Variants in RGR observed in about 807,000 individuals in gnomAD.
The protein encoded by RGR is retinal G protein coupled receptor, also known as RPE-retinal G protein-coupled receptor.
RGR carries 30 observed loss-of-function variants against 28.6 expected under a neutral mutation model. The observed-to-expected ratio is 1.05, with a 90% CI of 0.78 to 1.42. RGR has a LOEUF of 1.42. RGR is among the 40% of genes most tolerant of loss of function. RGR has a pLI of 0.00. For missense variants in RGR, 404 were observed against 375.6 expected, an observed-to-expected ratio of 1.08 and a Z score of -0.62; for synonymous variants, 180 against 156.4, an observed-to-expected ratio of 1.15 and a Z score of -1.13.
intron 2 of RGR, 158 bp from the exon 3 acceptor site, chr10:84,248,764 C>T: frequency 7.4e-7 from 1 of 1,354,932 alleles, no homozygotes; most frequent in Middle Eastern, 2.2e-4. Flanking sequence ...AGCCCAGTTA[C>T]TTGAGCTCCA....
rs565313597 is a variant in RGR, at chr10:84,256,153, C to G, written c.630+1710C>G. On this transcript the variant is annotated intron_variant, in intron 5 of 6. Coordinates refer to ENST00000652092, the MANE Select transcript of RGR (RefSeq NM_001012720.2). ...TGGCAATCTCGGCTCACTGCAACCT[C>G]CGCCTCTCGGGTTCAAGCGATTCTC... is the stretch of plus-strand genomic sequence containing the variant. Among the ~76,000 whole-genome samples, 4 of 143,970 alleles carry G rather than the reference C, an allele frequency of 2.8e-5. No homozygotes were observed. The Admixed American group carries it at 2.9e-4, about 10-fold the overall frequency. The allele number at this position is 143,970 out of a possible 152,430, so 94.4% of individuals were successfully genotyped here. A position where few individuals can be genotyped will look rare whatever the true frequency, so the allele number is the denominator to read the frequency against.
Position 84,258,503 on chromosome 10 carries a change from A to G in RGR, c.745-5A>G. 6.2e-7 allele frequency: 1 copy of G among 1,614,216 alleles called. No homozygotes were observed. Among genetic ancestry groups the G allele is most frequent in the Non-Finnish European group, 8.5e-7 (1 of 1,180,030 alleles). On this transcript the variant is annotated splice_polypyrimidine_tract_variant and splice_region_variant and intron_variant, in intron 6 of 6. Transcript: ENST00000652092. ...CTTCTTTTCTGGACTTTTCTGCCAC[A>G]ACAGGTGCCCGCCCTCATTGCCAAA...
Position 84,252,740 on chromosome 10 carries a change from A to G in RGR, c.359-117A>G, listed in dbSNP as rs1048929261. 6.7e-5 allele frequency: 88 copies of G among 1,317,434 alleles called. 1 individual carries two copies. The South Asian group carries it at 1.0e-3, about 15-fold the overall frequency. The allele number at this position is 1,317,434 out of a possible 1,614,324, so 81.6% of individuals were successfully genotyped here. On this transcript the variant is annotated intron_variant, in intron 3 of 6. Coordinates refer to ENST00000652092, the MANE Select transcript of RGR (RefSeq NM_001012720.2). ...TCCTGTAATCCCAGCACTTTGGGAGACTGAGGCTGGTGGATCACTTGAAGG... is the reference window on the plus strand; with the variant it reads ...TCCTGTAATCCCAGCACTTTGGGAGGCTGAGGCTGGTGGATCACTTGAAGG...
In RGR at chr10:84,259,020, A is replaced by T; in HGVS notation, c.*381A>T. 1 of 281,358 alleles carries T rather than the reference A, an allele frequency of 3.6e-6. No homozygotes were observed. Among genetic ancestry groups the T allele is most frequent in the East Asian group, 8.7e-5 (1 of 11,488 alleles). 17.4% of individuals were successfully genotyped at this position (281,358 alleles called of 1,614,324 possible). A position where few individuals can be genotyped will look rare whatever the true frequency, so the allele number is the denominator to read the frequency against. On this transcript the variant is annotated 3_prime_UTR_variant, in exon 7 of 7. Transcript: ENST00000652092. Reference sequence around the variant, plus strand: ...CCCATTAAGTTATTTCTCATCCCTCACCCCCTCCCACCTTGTCACCCTTCT... The same window carrying T: ...CCCATTAAGTTATTTCTCATCCCTCTCCCCCTCCCACCTTGTCACCCTTCT...
intron 1 of RGR, among the ~76,000 whole-genome samples, chr10:84,246,045 C>T (rs114627724): frequency 0.017 from 2,549 of 152,318 alleles, 79 homozygotes; most frequent in African/African-American, 0.059. Flanking sequence ...TGTCTGGTGG[C>T]CCCAGCCCGT....
intron 3 of RGR, among the ~76,000 whole-genome samples, chr10:84,249,772 A>G (rs1233469793): frequency 2.0e-5 from 3 of 152,204 alleles, no homozygotes; most frequent in Admixed American, 6.5e-5. Flanking sequence ...CCACACTTCC[A>G]TGAGGCTTCA....
chr10:84,254,359 C>T lies in RGR; in HGVS notation c.546C>T (p.Phe182=), dbSNP rs1448411233. The part of the protein sequence containing the change: ...NFTSFLFTMS[F]FNFAMPLFIT... ...CCAGCTTCCTCTTCACCATGTCCTT[C>T]TTCAACTTCGCCATGCCCCTCTTCA... Residue 182 remains phenylalanine (F), a synonymous_variant, in exon 5 of 7, where the codon TTC becomes TTT. Coordinates refer to ENST00000652092, the MANE Select transcript of RGR (RefSeq NM_001012720.2). 3.7e-6 allele frequency: 6 copies of T among 1,614,190 alleles called. No homozygotes were observed. The highest frequency in any genetic ancestry group is 3.3e-5 in the South Asian group (3 of 91,084).
intron 2 of RGR, chr10:84,248,504 G>A (rs957855707): frequency 2.1e-4 from 66 of 310,018 alleles, no homozygotes; most frequent in Admixed American, 2.2e-4. Flanking sequence ...GAGAATTGAA[G>A]TTTCCACCTT....
intron 4 of RGR, among the ~76,000 whole-genome samples, chr10:84,253,818 G>C (rs924607337): frequency 4.6e-5 from 7 of 152,168 alleles, no homozygotes; most frequent in Non-Finnish European, 1.0e-4. Flanking sequence ...AGGTGACATA[G>C]TCTTCCCTTC....
Position 84,256,059 on chromosome 10 carries a change from C to CTTTTTT in RGR, c.630+1640_630+1645dup, listed in dbSNP as rs61441525. ...TCTTTGTTTCTTTTTTTTTTCCTTT[C>CTTTTTT]TTTTTTTTTTTTTTTTTTTTTTTTT... On this transcript the variant is annotated intron_variant, in intron 5 of 6. Coordinates refer to ENST00000652092, the MANE Select transcript of RGR (RefSeq NM_001012720.2). Among the ~76,000 whole-genome samples, 180 of 54,358 alleles carry CTTTTTT rather than the reference C, an allele frequency of 3.3e-3. 3 individuals carry two copies. Among genetic ancestry groups the CTTTTTT allele is most frequent in the African/African-American group, 4.3e-3 (50 of 11,552 alleles). The allele number at this position is 54,358 out of a possible 152,430, so 35.7% of individuals were successfully genotyped here.
intron 3 of RGR, among the ~76,000 whole-genome samples, chr10:84,249,623 A>T (rs1177812569): frequency 6.6e-6 from 1 of 152,192 alleles, no homozygotes; most frequent in African/African-American, 2.4e-5. Context: ...GATGATTTTA[A>T]TAACCAATCT....
Position 84,258,539 on chromosome 10 carries a change from C to T in RGR, c.776C>T (p.Thr259Met), listed in dbSNP as rs772033525. The change falls in exon 7 of 7, where the codon ACG becomes ATG. Residue 259 changes from threonine to methionine, a missense_variant. Physicochemically the swap from Thr to Met is moderately conservative, Grantham distance 81. Transcript: ENST00000652092. ...GCCCTCATTGCCAAAATGGTGCCCA[C>T]GATCAATGCCATCAACTATGCCCTG... ...VPALIAKMVP[T>M]INAINYALGN... 75 of 1,614,088 alleles carry T rather than the reference C, an allele frequency of 4.6e-5. No individual in the cohort carries two copies. The highest frequency in any genetic ancestry group is 5.8e-5 in the Non-Finnish European group (68 of 1,180,050).
rs149839596 is a variant in RGR at position 84,248,934 on chromosome 10, C to T, written c.249C>T (p.Tyr83=). The change falls in exon 3 of 7, where the codon TAC becomes TAT. Residue 83 remains tyrosine, a synonymous_variant. Transcript: ENST00000652092. ...ATSSLLRRWP[Y]GSDGCQAHGF... ...GTGTCTCCCACAGGCGCTGGCCCTA[C>T]GGCTCGGACGGCTGCCAGGCTCACG... 243 of 1,614,126 alleles carry T rather than the reference C, an allele frequency of 1.5e-4. No individual in the cohort carries two copies. In the African/African-American group the frequency reaches 2.6e-3, roughly 17 times the overall value.
Position 84,252,997 on chromosome 10 carries a change from T to C in RGR, c.499T>C (p.Ser167Pro). 2 of 1,613,570 alleles carry C rather than the reference T, an allele frequency of 1.2e-6. No homozygotes were observed. The highest frequency in any genetic ancestry group is 1.7e-6 in the Non-Finnish European group (2 of 1,180,018). The change falls in exon 4 of 7, where the codon TCC (serine) becomes CCC (proline). Residue 167 changes from serine (S) to proline (P), a missense_variant. Physicochemically the swap from Ser to Pro is moderately conservative, Grantham distance 74. Coordinates refer to ENST00000652092, the MANE Select transcript of RGR (RefSeq NM_001012720.2). The part of the protein sequence containing the change: ...PLGTCCTLDY[S>P]KGDRNFTSFL... Reference sequence around the variant, plus strand: ...GGGGACATGCTGCACCCTGGACTACTCCAAGGGGGACAGGTGAGGTGGGAG... The same window carrying C: ...GGGGACATGCTGCACCCTGGACTACCCCAAGGGGGACAGGTGAGGTGGGAG...
At chr10:84,253,345 C>T (rs79150793) in intron 4 of RGR, among the ~76,000 whole-genome samples, 5,284 of 152,324 alleles carry the variant, frequency 0.035, 133 homozygotes, top group Middle Eastern at 0.11. Flanking sequence ...AGTCGACCAT[C>T]ATGGCTCTGA....
In RGR at chr10:84,258,591, C is replaced by G; in HGVS notation, c.828C>G (p.Ile276Met). 6.2e-7 allele frequency: 1 copy of G among 1,614,238 alleles called. No individual in the cohort carries two copies. The highest frequency in any genetic ancestry group is 8.5e-7 in the Non-Finnish European group (1 of 1,180,042). The change falls in exon 7 of 7, where the codon ATC becomes ATG. Residue 276 changes from isoleucine to methionine, a missense_variant. Coordinates refer to ENST00000652092, the MANE Select transcript of RGR (RefSeq NM_001012720.2). ...ALGNEMVCRG[I>M]WQCLSPQKRE... ...GCAATGAGATGGTCTGCAGGGGAAT[C>G]TGGCAGTGCCTCTCACCGCAGAAGA...
At position 84,247,690 on chromosome 10, in the gene RGR, T is replaced by C. The variant is rs1212182730; in HGVS notation, c.179T>C (p.Leu60Pro). The C allele has an allele frequency of 6.2e-7, 1 of 1,614,210 alleles. No individual in the cohort carries two copies. The highest frequency in any genetic ancestry group is 2.2e-5 in the East Asian group (1 of 44,876). The change falls in exon 2 of 7, where the codon CTT (leucine) becomes CCT (proline). Residue 60 changes from leucine to proline, a missense_variant. Physicochemically the swap from Leu to Pro is moderately conservative, Grantham distance 98 (BLOSUM62 -3). Coordinates refer to ENST00000652092, the MANE Select transcript of RGR (RefSeq NM_001012720.2). ...CACCTACTGGTGCTGAGCTTGGCTC[T>C]TGCGGACAGTGGGATCAGCCTGAAT... Reference protein sequence around the residue: ...PCHLLVLSLALADSGISLNAL... With the variant: ...PCHLLVLSLAPADSGISLNAL...
In RGR at chr10:84,245,123, CG is replaced by C; in HGVS notation, c.37del (p.Glu13SerfsTer24). 1 of 1,613,434 alleles carries C rather than the reference CG, an allele frequency of 6.2e-7. No homozygotes were observed. Among genetic ancestry groups the C allele is most frequent in the Non-Finnish European group, 8.5e-7 (1 of 1,179,842 alleles). On this transcript the variant is annotated frameshift_variant, in exon 1 of 7. Coordinates refer to ENST00000652092, the MANE Select transcript of RGR (RefSeq NM_001012720.2). LOFTEE classifies it high-confidence loss of function. ...AETSALPTGF[G>X]ELEVLAVGMV... ...AGACCAGTGCCCTGCCCACTGGCTTCGGGGAGCTCGAGGTGCTGGCTGTGGG... is the reference window on the plus strand; with the variant it reads ...AGACCAGTGCCCTGCCCACTGGCTTCGGGAGCTCGAGGTGCTGGCTGTGGG...
chr10:84,247,477 TTGTCTTCCTTGTC>T, intron 1 of RGR, 101 bp from the exon 2 acceptor site: 1 of 1,237,216 alleles, frequency 8.1e-7, no homozygotes, highest in Non-Finnish European at 1.2e-6. Context: ...CCTATATTGA[TTGTCTTCCTTGTC>T]TGTCCAGGAG....
Sources: allele counts gnomAD v4.1 joint callset (sites outside exome capture counted in the v4.1 genomes callset), GRCh38; gene constraint gnomAD v4.1.1; transcripts MANE v1.5; gene names NCBI Gene and HGNC (gene_info 2026-07-23, HGNC 2026-07-21).